ASIC4: variants seen among roughly 807,000 people sequenced by gnomAD.
ASIC4 encodes acid sensing ion channel subunit family member 4.
Under a neutral mutation model 53.4 loss-of-function variants are expected in ASIC4, and 28 were observed. The ratio of observed to expected loss-of-function variants is 0.52; its 90% CI spans 0.39 to 0.72. The LOEUF (loss-of-function observed/expected upper bound fraction) is 0.72. ASIC4 is among the 30% of genes least tolerant of loss of function. ASIC4 has a pLI of 0.00. For missense variants in ASIC4, 649 were observed against 729.7 expected (o/e 0.89, Z 1.27); for synonymous variants, 289 against 301.4 (o/e 0.96, Z 0.43).
At chr2:219,534,956 G>T (rs924133315) in intron 5 of ASIC4, among the ~76,000 whole-genome samples, 3 of 152,202 alleles carry the variant, frequency 2.0e-5, no homozygotes, top group Non-Finnish European at 4.4e-5. Flanking sequence ...GTGCTGGGGG[G>T]TTCTGCTTAT....
intron 1 of ASIC4, among the ~76,000 whole-genome samples, chr2:219,529,790 G>A (rs975458558): frequency 2.0e-5 from 3 of 152,120 alleles, no homozygotes; most frequent in Admixed American, 6.5e-5. Context: ...GTAAACTCAG[G>A]GTGCTTTGTT....
chr2:219,531,764 A>G lies in ASIC4; in HGVS notation c.589A>G (p.Thr197Ala), dbSNP rs1695044800. ...CTCTCACCCCACCTCCCAGGTCTAT[A>G]CTCGCTATGGGAAGTGTTACACCTT... is the stretch of plus-strand genomic sequence containing the variant. ...CSASNFSVVY[T>A]RYGKCYTFNA... Residue 197 changes from threonine (T) to alanine (A), a missense_variant, in exon 2 of 10, where the codon ACT becomes GCT. Transcript: ENST00000358078. The G allele has an allele frequency of 6.3e-7, 1 of 1,596,288 alleles. No individual in the cohort carries two copies. Among genetic ancestry groups the G allele is most frequent in the Non-Finnish European group, 8.5e-7 (1 of 1,171,212 alleles).
upstream of ASIC4, among the ~76,000 whole-genome samples, chr2:219,511,007 C>G (rs989725023): frequency 1.3e-5 from 2 of 152,168 alleles, no homozygotes; most frequent in Non-Finnish European, 2.9e-5. This position sits in a 1 kb window ranked among gnomAD's most constrained non-coding sequence, Gnocchi z 5.3. Flanking sequence ...CAGCCCCAGC[C>G]CCCCCATCCT....
At chr2:219,532,548 C>G in intron 4 of ASIC4, 71 bp downstream of exon 4, 1 of 1,554,794 alleles carries the variant, frequency 6.4e-7, no homozygotes, top group Non-Finnish European at 8.7e-7. Flanking sequence ...GGGCAAGGCA[C>G]TGCTCATGTG....
chr2:219,514,237 G>A (rs1032837336), upstream of ASIC4: 3 of 1,326,650 alleles, frequency 2.3e-6, no homozygotes, highest in Middle Eastern at 5.4e-4. Context: ...CTCTGTCCTG[G>A]GCTGGGGACT....
intron 5 of ASIC4, among the ~76,000 whole-genome samples, chr2:219,534,677 C>T (rs1163738077): frequency 6.6e-6 from 1 of 152,168 alleles, no homozygotes; most frequent in Non-Finnish European, 1.5e-5. Context: ...TCTGAAGGGG[C>T]AGGCAGAGAA....
rs548417454 is a variant in ASIC4, at chr2:219,535,515, TG to T, written c.1229+197del. Among the ~76,000 whole-genome samples the T allele has an allele frequency of 4.5e-3, 684 of 151,124 alleles. 4 individuals carry two copies. The highest frequency in any genetic ancestry group is 0.014 in the Middle Eastern group (4 of 292). On this transcript the variant is annotated intron_variant, in intron 6 of 9. Coordinates refer to ENST00000358078, the MANE Select transcript of ASIC4 (RefSeq NM_018674.6). ...ACATGCATGTGTGTGTGTGTCTGTG[TG>T]GGGGGCATGTATGTGTGTCTTGTGG...
upstream of ASIC4, among the ~76,000 whole-genome samples, chr2:219,511,786 C>T (rs902287145): frequency 6.6e-5 from 10 of 151,894 alleles, no homozygotes; most frequent in South Asian, 4.2e-4. The surrounding 1 kb of genome is among the most constrained non-coding windows in gnomAD (Gnocchi z 5.3). Flanking sequence ...GAAGCTGGGC[C>T]GGGCCCCAGG....
rs201692446 is a variant in ASIC4, at chr2:219,537,213, C to T, written c.1322-29C>T. ...GTGGGGGTGGATCGGCCCGGCCGCT[C>T]CCTCTGACACTGCTCTCCTGCTTCC... On this transcript the variant is annotated intron_variant, in intron 7 of 9. Coordinates refer to ENST00000358078, the MANE Select transcript of ASIC4 (RefSeq NM_018674.6). This position sits in a 1 kb window ranked among gnomAD's most constrained non-coding sequence, Gnocchi z 4.9. The T allele has an allele frequency of 6.2e-7, 1 of 1,611,184 alleles. No homozygotes were observed. Among genetic ancestry groups the T allele is most frequent in the African/African-American group, 1.3e-5 (1 of 74,984 alleles).
rs759904061 is a variant in ASIC4, at chr2:219,532,485, C to T, written c.1018+8C>T. The T allele has an allele frequency of 1.9e-6, 3 of 1,603,348 alleles. No homozygotes were observed. The highest frequency in any genetic ancestry group is 2.6e-6 in the Non-Finnish European group (3 of 1,173,092). ...GGATGGTGCACATGCCAGGTGGGCA[C>T]CCCACCCCCAGCCAGCCCTCCATGC... On this transcript the variant is annotated splice_region_variant and intron_variant, in intron 4 of 9. Coordinates refer to ENST00000358078, the MANE Select transcript of ASIC4 (RefSeq NM_018674.6).
At chr2:219,535,006 G>T (rs1321883833) in intron 5 of ASIC4, among the ~76,000 whole-genome samples, 165 bp from the exon 6 acceptor site, 1 of 152,152 alleles carries the variant, frequency 6.6e-6, no homozygotes, top group Admixed American at 6.5e-5. Context: ...TTCAGGCGGG[G>T]ACCTGCAGCC....
At chr2:219,534,408 G>C (rs1695094046) in intron 5 of ASIC4, among the ~76,000 whole-genome samples, 1 of 152,358 alleles carries the variant, frequency 6.6e-6, no homozygotes, top group African/African-American at 2.4e-5. Flanking sequence ...GGAGGAGAGA[G>C]AGACCTGTGG....
At position 219,514,779 on chromosome 2, in the gene ASIC4, A is replaced by C; in HGVS notation, c.55A>C (p.Lys19Gln). 1.9e-6 allele frequency: 3 copies of C among 1,613,392 alleles called. No homozygotes were observed. The South Asian group carries it at 3.3e-5, about 18-fold the overall frequency. Residue 19 changes from lysine to glutamine, a missense_variant, in exon 1 of 10, where the codon AAG becomes CAG. Lys to Gln is a moderately conservative substitution (Grantham distance 53). Coordinates refer to ENST00000358078, the MANE Select transcript of ASIC4 (RefSeq NM_018674.6). ...ATTTGCTGAGGAGGATGCGAAACCC[A>C]AGGAGAAGGAGGCAGGGGATGAGCA... ...IKFAEEDAKP[K>Q]EKEAGDEQSL...
At chr2:219,531,384 A>G (rs1264472861) in intron 1 of ASIC4, among the ~76,000 whole-genome samples, 2 of 152,016 alleles carry the variant, frequency 1.3e-5, no homozygotes. Context: ...AAGAAGAGAA[A>G]GAAGTGTCCC....
rs1695146737 is a variant in ASIC4, at chr2:219,536,898, AAC to A, written c.1230-162_1230-161del. On this transcript the variant is annotated intron_variant, in intron 6 of 9. Transcript: ENST00000358078. The surrounding 1 kb of genome is among the most constrained non-coding windows in gnomAD (Gnocchi z 4.6). ...TTGCTACCCCTCAAAAGATGAAGCT[AAC>A]ACACATCCGGGACTGCCTCCCCTCA... Among the ~76,000 whole-genome samples the A allele has an allele frequency of 6.6e-6, 1 of 152,164 alleles. No individual in the cohort carries two copies. Among genetic ancestry groups the A allele is most frequent in the Non-Finnish European group, 1.5e-5 (1 of 68,020 alleles).
At position 219,537,772 on chromosome 2, in the gene ASIC4, C is replaced by G; in HGVS notation, c.1506+36C>G. Reference sequence around the variant, plus strand: ...GCTCTAAATGCCTGCAGCATGCAGCCACACCTCCCCAGGACTGAATACATC... The same window carrying G: ...GCTCTAAATGCCTGCAGCATGCAGCGACACCTCCCCAGGACTGAATACATC... On this transcript the variant is annotated intron_variant, in intron 9 of 9. Transcript: ENST00000358078. The surrounding 1 kb of genome is among the most constrained non-coding windows in gnomAD (Gnocchi z 4.9). The G allele has an allele frequency of 1.3e-6, 2 of 1,582,708 alleles. No homozygotes were observed. Among genetic ancestry groups the G allele is most frequent in the Non-Finnish European group, 1.7e-6 (2 of 1,159,578 alleles).
At position 219,517,473 on chromosome 2, in the gene ASIC4, C is replaced by A. The variant is rs1385814619; in HGVS notation, c.582+2167C>A. ...TTTGGGATTTCCATTTCCCCTGTCT[C>A]CAGCCCAGCCTCCTACTCTTCTGCA... On this transcript the variant is annotated intron_variant, in intron 1 of 9. Coordinates refer to ENST00000358078, the MANE Select transcript of ASIC4 (RefSeq NM_018674.6). The surrounding 1 kb of genome is among the most constrained non-coding windows in gnomAD (Gnocchi z 4.2). 6.6e-6 allele frequency among the ~76,000 whole-genome samples: 1 copy of A among 152,182 alleles called. No individual in the cohort carries two copies. The highest frequency in any genetic ancestry group is 2.4e-5 in the African/African-American group (1 of 41,436).
intron 1 of ASIC4, among the ~76,000 whole-genome samples, chr2:219,521,221 A>G (rs3770229): frequency 0.52 from 79,065 of 152,124 alleles, 22,077 homozygotes; most frequent in African/African-American, 0.74. Flanking sequence ...TGGGAGGGCC[A>G]TGAGGGACAT....
Position 219,536,614 on chromosome 2 carries a change from G to T in ASIC4, c.1230-452G>T, listed in dbSNP as rs987973886. ...AGGACGTGGGGCGGTGGGGTGGTGT[G>T]GCGGGGAGCCTGAGCCATAGGCAGC... On this transcript the variant is annotated intron_variant, in intron 6 of 9. Transcript: ENST00000358078. The surrounding 1 kb of genome is among the most constrained non-coding windows in gnomAD (Gnocchi z 4.6). Among the ~76,000 whole-genome samples the T allele has an allele frequency of 6.6e-6, 1 of 152,044 alleles. No homozygotes were observed. The highest frequency in any genetic ancestry group is 1.5e-5 in the Non-Finnish European group (1 of 68,000).
Sources: gnomAD v4.1 joint callset for allele counts (sites outside exome capture counted in the v4.1 genomes callset) on GRCh38, gnomAD v4.1.1 for gene constraint, Gnocchi (gnomAD v3.1) non-coding constraint, MANE v1.5 for transcripts, NCBI Gene and HGNC (gene_info 2026-07-23, HGNC 2026-07-21) for gene names.